SGCD: variants seen among roughly 807,000 people sequenced by gnomAD.
SGCD encodes the protein sarcoglycan delta.
In SGCD, 18 loss-of-function variants were observed where a neutral mutation model predicts 36.6. The ratio of observed to expected loss-of-function variants is 0.49; its 90% CI spans 0.34 to 0.73. The LOEUF is 0.73. Among genes scored for constraint, SGCD ranks in the 30% least tolerant of loss-of-function variants. The probability of loss-of-function intolerance (pLI) is 0.01; values close to 1 mark genes in which losing one functional copy is unlikely to be tolerated. For missense variants in SGCD, 387 were observed against 346.7 expected (o/e 1.12, Z -0.92); for synonymous variants, 133 against 130.6 (o/e 1.02, Z -0.12).
intron 7 of SGCD, chr5:156,739,606 A>G (rs1326412938): frequency 6.6e-6 from 1 of 152,188 alleles, no homozygotes; most frequent in Non-Finnish European, 1.5e-5. Context: ...GGATAAAAAA[A>G]CTTCAAAATA....
At chr5:156,087,928 G>A (rs1260122955) in intron 1 of SGCD, among the ~76,000 whole-genome samples, 1 of 152,206 alleles carries the variant, frequency 6.6e-6, no homozygotes, top group African/African-American at 2.4e-5. Flanking sequence ...GAGCCCAGGA[G>A]AGGCCCACTG....
At chr5:156,155,818 T>A (rs1762948197) in intron 3 of SGCD, among the ~76,000 whole-genome samples, 1 of 151,602 alleles carries the variant, frequency 6.6e-6, no homozygotes, top group South Asian at 2.1e-4. Context: ...GTGGGCTTCC[T>A]GCCAAGGCTA....
At chr5:156,147,077 G>T (rs959792558) in intron 3 of SGCD, among the ~76,000 whole-genome samples, 1 of 152,014 alleles carries the variant, frequency 6.6e-6, no homozygotes, top group Non-Finnish European at 1.5e-5. Flanking sequence ...GGTAAAGCTG[G>T]GTCAAAGAAT....
At position 156,229,268 on chromosome 5, in the gene SGCD, A is replaced by G. The variant is rs867295151; in HGVS notation, c.-43-100266A>G. ...TATATATATACATACATACATATATATATACATACATATATATATATATAT... is the reference window on the plus strand; with the variant it reads ...TATATATATACATACATACATATATGTATACATACATATATATATATATAT... On this transcript the variant is annotated intron_variant, in intron 3 of 9. Transcript: ENST00000517913. Among the ~76,000 whole-genome samples the G allele has an allele frequency of 1.2e-3, 105 of 87,290 alleles. 6 individuals carry two copies. In the Middle Eastern group the frequency reaches 0.025, roughly 21 times the overall value. 57.3% of individuals were successfully genotyped at this position (87,290 alleles called of 152,430 possible). A position where few individuals can be genotyped will look rare whatever the true frequency, so the allele number is the denominator to read the frequency against.
the SGCD span, among the ~76,000 whole-genome samples, chr5:155,788,083 T>C: frequency 1.3e-5 from 2 of 152,190 alleles, no homozygotes; most frequent in African/African-American, 4.8e-5. Flanking sequence ...GCCATTTTTC[T>C]AGACACATAA....
chr5:155,995,862 G>A (rs1435959153), intron 1 of SGCD, among the ~76,000 whole-genome samples: 2 of 151,896 alleles, frequency 1.3e-5, no homozygotes, highest in South Asian at 2.1e-4. Flanking sequence ...AATAACCTGA[G>A]GAAATTTTCT....
At chr5:156,629,440 A>G (rs1385907736) in intron 6 of SGCD, among the ~76,000 whole-genome samples, 1 of 152,228 alleles carries the variant, frequency 6.6e-6, no homozygotes, top group Non-Finnish European at 1.5e-5. Flanking sequence ...TCCCCCCAGG[A>G]AAATCAGTAA....
At chr5:155,997,944 C>T (rs1019295986) in intron 1 of SGCD, among the ~76,000 whole-genome samples, 1 of 152,158 alleles carries the variant, frequency 6.6e-6, no homozygotes, top group African/African-American at 2.4e-5. Flanking sequence ...TGGATTTGAA[C>T]TTTCCCATTG....
intron 3 of SGCD, among the ~76,000 whole-genome samples, chr5:156,466,529 G>A (rs1013309435): frequency 2.6e-5 from 4 of 152,098 alleles, no homozygotes; most frequent in Non-Finnish European, 5.9e-5. Context: ...GCAAGTCAGA[G>A]AGAATGTGTG....
intron 1 of SGCD, among the ~76,000 whole-genome samples, chr5:156,111,199 T>C (rs1360533303): frequency 6.6e-6 from 1 of 152,128 alleles, no homozygotes; most frequent in Non-Finnish European, 1.5e-5. Flanking sequence ...AAAGTGCGTA[T>C]CTTCTATTTC....
At chr5:155,795,164 C>A in the SGCD span, among the ~76,000 whole-genome samples, 8 of 151,912 alleles carry the variant, frequency 5.3e-5, no homozygotes, top group Non-Finnish European at 1.2e-4. Flanking sequence ...CACCTGTGCT[C>A]AAATATACAG....
At chr5:155,801,128 T>A in the SGCD span, among the ~76,000 whole-genome samples, 1 of 152,190 alleles carries the variant, frequency 6.6e-6, no homozygotes, top group Non-Finnish European at 1.5e-5. Flanking sequence ...TTCTTGGCCT[T>A]CCAAGGAGGG....
intron 1 of SGCD, among the ~76,000 whole-genome samples, chr5:155,942,558 A>G (rs62380669): frequency 1.8e-3 from 274 of 152,294 alleles, no homozygotes; most frequent in Non-Finnish European, 3.0e-3. Context: ...GTTGACCCCT[A>G]AACTATGCAA....
chr5:156,393,226 T>C (rs1221460389), intron 3 of SGCD, among the ~76,000 whole-genome samples: 1 of 152,206 alleles, frequency 6.6e-6, no homozygotes, highest in East Asian at 1.9e-4. Flanking sequence ...AGCAGTTCCT[T>C]TACTATGTGG....
intron 1 of SGCD, among the ~76,000 whole-genome samples, chr5:155,883,350 A>C (rs1448092623): frequency 6.6e-6 from 1 of 152,154 alleles, no homozygotes; most frequent in Non-Finnish European, 1.5e-5. Flanking sequence ...TTTTTGGCCC[A>C]TTTTGGCTTT....
chr5:156,106,176 G>A (rs374225892), intron 1 of SGCD, among the ~76,000 whole-genome samples: 15 of 147,208 alleles, frequency 1.0e-4, no homozygotes, highest in African/African-American at 2.7e-4. Flanking sequence ...GTAATTATGC[G>A]CAGTGATCCA....
intron 3 of SGCD, among the ~76,000 whole-genome samples, chr5:156,162,126 G>A (rs1303881680): frequency 2.7e-5 from 4 of 150,656 alleles, no homozygotes; most frequent in Admixed American, 2.6e-4. Context: ...GGTGGGGGTG[G>A]AGTGGATAAA....
intron 3 of SGCD, among the ~76,000 whole-genome samples, chr5:156,361,512 G>A (rs988545197): frequency 6.6e-6 from 1 of 152,220 alleles, no homozygotes; most frequent in East Asian, 1.9e-4. Context: ...CCAGAAAGTA[G>A]AGTATGGTAG....
intron 4 of SGCD, among the ~76,000 whole-genome samples, chr5:156,537,143 C>G (rs1485126961): frequency 2.6e-5 from 4 of 152,164 alleles, no homozygotes; most frequent in African/African-American, 9.7e-5. Context: ...AGGCTGTTTT[C>G]CCCATTATTC....
Sources: allele counts gnomAD v4.1 joint callset (sites outside exome capture counted in the v4.1 genomes callset), GRCh38; gene constraint gnomAD v4.1.1; transcripts MANE v1.5; gene names NCBI Gene and HGNC (gene_info 2026-07-23, HGNC 2026-07-21).